WDFY2: variants seen among roughly 807,000 people sequenced by gnomAD.
WDFY2 encodes WD repeat and FYVE domain-containing protein 2.
In WDFY2, 36 loss-of-function variants were observed where a neutral mutation model predicts 56.4. That is an observed-to-expected ratio of 0.64 (90% confidence interval 0.49 to 0.84). The LOEUF (loss-of-function observed/expected upper bound fraction) is 0.84. Ranked by LOEUF, WDFY2 falls within the 40% of genes least tolerant of loss-of-function variation. The pLI, the probability that WDFY2 is intolerant of heterozygous loss-of-function variation, is 0.00. For missense variants in WDFY2, 444 were observed against 512.2 expected (o/e 0.87, Z 1.29); for synonymous variants, 176 against 183.7 (o/e 0.96, Z 0.34).
At chr13:51,659,904 T>C (rs565165217) in intron 1 of WDFY2, among the ~76,000 whole-genome samples, 124 of 152,364 alleles carry the variant, frequency 8.1e-4, no homozygotes, top group Non-Finnish European at 1.3e-3. Flanking sequence ...TTGATCTCTT[T>C]GTAGTCCCTT....
At position 51,653,429 on chromosome 13, in the gene WDFY2, A is replaced by G. The variant is rs150135595; in HGVS notation, c.138-7167A>G. ...TCAAAGTCATTCTCCGTCCAGCTTTATTCCATTGCTGGTGAGGAGCTGCGT... is the reference window on the plus strand; with the variant it reads ...TCAAAGTCATTCTCCGTCCAGCTTTGTTCCATTGCTGGTGAGGAGCTGCGT... On this transcript the variant is annotated intron_variant, in intron 1 of 11. Transcript: ENST00000298125. 5.0e-3 allele frequency among the ~76,000 whole-genome samples: 755 copies of G among 152,296 alleles called. 5 individuals carry two copies. The highest frequency in any genetic ancestry group is 0.014 in the African/African-American group (593 of 41,576).
In WDFY2 at chr13:51,760,839, G is replaced by A. The variant is rs950473164; in HGVS notation, c.*1070G>A. The A allele has an allele frequency of 1.3e-5, 2 of 152,358 alleles. No individual in the cohort carries two copies. The highest frequency in any genetic ancestry group is 1.3e-4 in the Admixed American group (2 of 15,288). 9.4% of individuals were successfully genotyped at this position (152,358 alleles called of 1,614,324 possible). A position where few individuals can be genotyped will look rare whatever the true frequency, so the allele number is the denominator to read the frequency against. ...GCCACCGCTGATCTGATGGGAGGCGGAGCCCAGGCAGTAACACTTGCTTGC... is the reference window on the plus strand; with the variant it reads ...GCCACCGCTGATCTGATGGGAGGCGAAGCCCAGGCAGTAACACTTGCTTGC... On this transcript the variant is annotated 3_prime_UTR_variant, in exon 12 of 12. Transcript: ENST00000298125.
chr13:51,638,001 C>T (rs1955084850), intron 1 of WDFY2, among the ~76,000 whole-genome samples: 1 of 152,174 alleles, frequency 6.6e-6, no homozygotes, highest in African/African-American at 2.4e-5. Flanking sequence ...CCAGCAAGTC[C>T]CAGCCTCATT....
intron 6 of WDFY2, among the ~76,000 whole-genome samples, chr13:51,731,330 A>C (rs566761054): frequency 6.6e-6 from 1 of 152,228 alleles, no homozygotes; most frequent in African/African-American, 2.4e-5. Context: ...CACTCTTGTC[A>C]GCCACATATG....
At chr13:51,601,350 T>C (rs1253346093) in intron 1 of WDFY2, among the ~76,000 whole-genome samples, 1 of 152,092 alleles carries the variant, frequency 6.6e-6, no homozygotes, top group Non-Finnish European at 1.5e-5. Context: ...GGCCAGACAC[T>C]GGGTTAATCT....
chr13:51,700,827 C>T (rs1049504090), intron 3 of WDFY2, among the ~76,000 whole-genome samples: 6 of 152,096 alleles, frequency 3.9e-5, no homozygotes, highest in African/African-American at 1.4e-4. Context: ...ATTAGCCAGG[C>T]GTGGTGGCGC....
intron 1 of WDFY2, among the ~76,000 whole-genome samples, chr13:51,620,470 C>T (rs1954704470): frequency 6.6e-6 from 1 of 152,060 alleles, no homozygotes; most frequent in African/African-American, 2.4e-5. Context: ...CATGATTCCC[C>T]TCTGGGTCTC....
rs892293069 is a variant in WDFY2 at position 51,760,054 on chromosome 13, G to A, written c.*285G>A. ...GTTTTGAGTGTACCGAAAAATCTGT[G>A]TGGGGTGTTTAATTTTTATACTTTT... is the stretch of plus-strand genomic sequence containing the variant. On this transcript the variant is annotated 3_prime_UTR_variant, in exon 12 of 12. Coordinates refer to ENST00000298125, the MANE Select transcript of WDFY2 (RefSeq NM_052950.4). The A allele has an allele frequency of 3.1e-6, 1 of 327,748 alleles. No individual in the cohort carries two copies. The highest frequency in any genetic ancestry group is 5.5e-6 in the Non-Finnish European group (1 of 180,612). The allele number at this position is 327,748 out of a possible 1,614,324, so 20.3% of individuals were successfully genotyped here.
intron 3 of WDFY2, among the ~76,000 whole-genome samples, chr13:51,685,751 A>T (rs1032252819): frequency 6.6e-6 from 1 of 152,120 alleles, no homozygotes; most frequent in Non-Finnish European, 1.5e-5. Flanking sequence ...TCAAGGGTCA[A>T]TGTAGTCCCT....
intron 4 of WDFY2, among the ~76,000 whole-genome samples, chr13:51,718,742 GA>G (rs1952422118): frequency 6.6e-6 from 1 of 152,186 alleles, no homozygotes; most frequent in Non-Finnish European, 1.5e-5. Context: ...TTCATTAAAA[GA>G]TTAACAGTAT....
At chr13:51,630,066 A>G (rs1954922649) in intron 1 of WDFY2, among the ~76,000 whole-genome samples, 1 of 151,972 alleles carries the variant, frequency 6.6e-6, no homozygotes, top group African/African-American at 2.4e-5. Flanking sequence ...TATCTCCAGC[A>G]CATTAACAGT....
At chr13:51,739,847 T>G (rs1393586216) in intron 7 of WDFY2, among the ~76,000 whole-genome samples, 3 of 152,120 alleles carry the variant, frequency 2.0e-5, no homozygotes, top group African/African-American at 7.2e-5. Context: ...CCCAGGCAAC[T>G]CCCCACTGGT....
chr13:51,611,431 G>T (rs187292363), intron 1 of WDFY2, among the ~76,000 whole-genome samples: 1 of 151,918 alleles, frequency 6.6e-6, no homozygotes, highest in African/African-American at 2.4e-5. Flanking sequence ...TTATTTTATC[G>T]TTGAGATTTT....
chr13:51,599,728 A>G (rs1954229158), intron 1 of WDFY2, among the ~76,000 whole-genome samples: 1 of 152,172 alleles, frequency 6.6e-6, no homozygotes, highest in Non-Finnish European at 1.5e-5. Context: ...CTGCCTTACT[A>G]AAGATTATAA....
intron 1 of WDFY2, among the ~76,000 whole-genome samples, chr13:51,594,942 A>G (rs1954118048): frequency 6.6e-6 from 1 of 152,198 alleles, no homozygotes; most frequent in Non-Finnish European, 1.5e-5. Flanking sequence ...AGACTATTTT[A>G]AGACTCACTT....
intron 5 of WDFY2, among the ~76,000 whole-genome samples, chr13:51,726,826 A>G (rs949777657): frequency 1.3e-5 from 2 of 152,050 alleles, no homozygotes; most frequent in Admixed American, 1.3e-4. Flanking sequence ...CCATTTTTCT[A>G]TTAGGTTTGG....
Position 51,765,132 on chromosome 13 carries a change from G to A in WDFY2, c.*5363G>A, listed in dbSNP as rs1396782291. 6.6e-6 allele frequency: 1 copy of A among 152,250 alleles called. No homozygotes were observed. Among genetic ancestry groups the A allele is most frequent in the Non-Finnish European group, 1.5e-5 (1 of 68,066 alleles). 9.4% of individuals were successfully genotyped at this position (152,250 alleles called of 1,614,324 possible). A position where few individuals can be genotyped will look rare whatever the true frequency, so the allele number is the denominator to read the frequency against. On this transcript the variant is annotated 3_prime_UTR_variant, in exon 12 of 12. Coordinates refer to ENST00000298125, the MANE Select transcript of WDFY2 (RefSeq NM_052950.4). ...TGTCTGGGAGACCTGGCCCTGTGGA[G>A]GCAGGAACACCGTGCAGGGGCATGG...
At chr13:51,704,059 T>C (rs1241557181) in intron 4 of WDFY2, among the ~76,000 whole-genome samples, 3 of 152,232 alleles carry the variant, frequency 2.0e-5, no homozygotes. Flanking sequence ...TATCATGTCT[T>C]CAACATTGAC....
intron 3 of WDFY2, among the ~76,000 whole-genome samples, chr13:51,679,460 A>G (rs143767632): frequency 7.2e-5 from 11 of 152,282 alleles, no homozygotes; most frequent in Middle Eastern, 6.8e-3. Context: ...CTGAAGATTA[A>G]TCTCGTGTGT....
Sources: allele counts gnomAD v4.1 joint callset (sites outside exome capture counted in the v4.1 genomes callset), GRCh38; gene constraint gnomAD v4.1.1; transcripts MANE v1.5; gene names NCBI Gene and HGNC (gene_info 2026-07-23, HGNC 2026-07-21).